Variants in GABRB3 observed in about 807,000 individuals in gnomAD.
GABRB3 encodes gamma-aminobutyric acid receptor subunit beta-3.
Under a neutral mutation model 52.1 loss-of-function variants are expected in GABRB3, and 14 were observed. The observed-to-expected ratio is 0.27, with a 90% CI of 0.18 to 0.42. GABRB3 has a LOEUF of 0.42. Among genes scored for constraint, GABRB3 ranks in the 10% least tolerant of loss-of-function variants. The probability of loss-of-function intolerance (pLI) is 1.00; values close to 1 mark genes in which losing one functional copy is unlikely to be tolerated. For synonymous variants in GABRB3, 260 were observed against 232.3 expected, an observed-to-expected ratio of 1.12 and a Z score of -1.08; for missense variants, 307 against 609.1, an observed-to-expected ratio of 0.50 and a Z score of 5.22.
Position 26,621,245 on chromosome 15 carries a change from T to C in GABRB3, c.461+69A>G. On this transcript the variant is annotated intron_variant, in intron 4 of 8. Coordinates refer to ENST00000311550, the MANE Select transcript of GABRB3 (RefSeq NM_000814.6). The surrounding 1 kb of genome is among the most constrained non-coding windows in gnomAD (Gnocchi z 4.1). ...GTCATTGCCTCACTTACAATAATCA[T>C]CTCAAGTGAGATATTCAACACCCAT... The C allele has an allele frequency of 1.7e-6, 2 of 1,174,820 alleles. No homozygotes were observed. The highest frequency in any genetic ancestry group is 1.3e-6 in the Non-Finnish European group (1 of 780,796). The allele number at this position is 1,174,820 out of a possible 1,614,324, so 72.8% of individuals were successfully genotyped here.
intron 3 of GABRB3, among the ~76,000 whole-genome samples, chr15:26,645,228 G>A (rs1765261359): frequency 6.6e-6 from 1 of 152,164 alleles, no homozygotes; most frequent in South Asian, 2.1e-4. Flanking sequence ...GCGACGGAGT[G>A]AGACCATGTC....
chr15:26,717,889 C>T (rs1480338004), intron 3 of GABRB3, among the ~76,000 whole-genome samples: 2 of 152,182 alleles, frequency 1.3e-5, no homozygotes, highest in East Asian at 1.9e-4. Flanking sequence ...GTAGAGATCC[C>T]TTGATCCTTG....
chr15:26,667,285 T>C (rs904011800), intron 3 of GABRB3, among the ~76,000 whole-genome samples: 4 of 152,144 alleles, frequency 2.6e-5, no homozygotes, highest in African/African-American at 9.7e-5. Context: ...TCCCAGGACT[T>C]GTGGGGACCA....
At position 26,642,546 on chromosome 15, in the gene GABRB3, A is replaced by T. The variant is rs1177612793; in HGVS notation, c.241-21012T>A. 9.7e-6 allele frequency: 12 copies of T among 1,241,878 alleles called. No individual in the cohort carries two copies. In the East Asian group the frequency reaches 4.5e-4, roughly 47 times the overall value. 76.9% of individuals were successfully genotyped at this position (1,241,878 alleles called of 1,614,324 possible). The stretch of plus-strand genomic sequence containing the variant: ...TGCATAGCCTGCAAAGAAATGAGAA[A>T]CATGAAGGACACTTTGAATTACTGT... On this transcript the variant is annotated intron_variant, in intron 3 of 8. Transcript: ENST00000311550.
At chr15:26,716,863 A>T (rs1448485409) in intron 3 of GABRB3, 1 of 698,614 alleles carries the variant, frequency 1.4e-6, no homozygotes, top group Non-Finnish European at 1.9e-6. Context: ...AGCTCTGAGG[A>T]CCTCCACCCA....
chr15:26,721,302 A>C (rs775204320), intron 3 of GABRB3, among the ~76,000 whole-genome samples: 1 of 152,160 alleles, frequency 6.6e-6, no homozygotes, highest in Non-Finnish European at 1.5e-5. Flanking sequence ...GCCCTTTGGA[A>C]GGGAAACTTG....
rs995919888 is a variant in GABRB3 at position 26,701,533 on chromosome 15, C to T, written c.240+70869G>A. Among the ~76,000 whole-genome samples, 7 of 152,076 alleles carry T rather than the reference C, an allele frequency of 4.6e-5. No individual in the cohort carries two copies. The South Asian group carries it at 6.2e-4, about 13-fold the overall frequency. On this transcript the variant is annotated intron_variant, in intron 3 of 8. Coordinates refer to ENST00000311550, the MANE Select transcript of GABRB3 (RefSeq NM_000814.6). ...AAATAGAGATGAATATGACAAAAGA[C>T]GTGAATGACCTATACAATGGAAACC...
intron 3 of GABRB3, among the ~76,000 whole-genome samples, chr15:26,743,080 C>T (rs1394026056): frequency 1.3e-5 from 2 of 152,134 alleles, no homozygotes; most frequent in Admixed American, 1.3e-4. Flanking sequence ...CAGGCACGCA[C>T]CAACACGCCA....
intron 4 of GABRB3, among the ~76,000 whole-genome samples, chr15:26,586,462 G>T (rs1890992538): frequency 7.3e-6 from 1 of 136,384 alleles, no homozygotes; most frequent in Admixed American, 7.6e-5. Context: ...ATTGTTCGGG[G>T]ACACCATGTG....
chr15:26,562,558 G>A (rs1890030169), intron 7 of GABRB3, among the ~76,000 whole-genome samples: 2 of 152,314 alleles, frequency 1.3e-5, no homozygotes, highest in South Asian at 4.2e-4. Context: ...CGGAGCCCAG[G>A]CCATTCTGCA....
At chr15:26,662,061 C>T (rs111500171) in intron 3 of GABRB3, among the ~76,000 whole-genome samples, 2,407 of 152,210 alleles carry the variant, frequency 0.016, 59 homozygotes, top group African/African-American at 0.052. Context: ...TCCTCAGATG[C>T]CATCTTTAAT....
intron 3 of GABRB3, among the ~76,000 whole-genome samples, chr15:26,729,616 G>A (rs1057334297): frequency 2.0e-5 from 3 of 152,100 alleles, no homozygotes; most frequent in Non-Finnish European, 4.4e-5. Context: ...TGGAGGGTGG[G>A]GAACAAAATC....
At chr15:26,720,159 GAAC>G (rs1026640187) in intron 3 of GABRB3, among the ~76,000 whole-genome samples, 1 of 149,312 alleles carries the variant, frequency 6.7e-6, no homozygotes, top group Non-Finnish European at 1.5e-5. Flanking sequence ...GCCCGCCAGA[GAAC>G]AACCCCCCTT....
At chr15:26,593,532 G>A (rs1026660622) in intron 4 of GABRB3, among the ~76,000 whole-genome samples, 4 of 152,012 alleles carry the variant, frequency 2.6e-5, no homozygotes, top group Admixed American at 2.6e-4. Context: ...CCTATTCTAT[G>A]GGTCACCACA....
At chr15:26,747,362 G>A (rs959734047) in intron 3 of GABRB3, among the ~76,000 whole-genome samples, 4 of 152,164 alleles carry the variant, frequency 2.6e-5, no homozygotes, top group East Asian at 1.9e-4. Context: ...TCATGAAAAC[G>A]GGAAGTTTCT....
intron 4 of GABRB3, among the ~76,000 whole-genome samples, chr15:26,586,157 C>A (rs1195506157): frequency 1.3e-5 from 2 of 151,936 alleles, no homozygotes; most frequent in Admixed American, 6.6e-5. Context: ...TGCCACCACG[C>A]CCAGCTAATT....
At chr15:26,680,320 C>T (rs1451288819) in intron 3 of GABRB3, among the ~76,000 whole-genome samples, 1 of 152,218 alleles carries the variant, frequency 6.6e-6, no homozygotes, top group African/African-American at 2.4e-5. Context: ...CCTATTGGTT[C>T]TCTTTCTCTG....
chr15:26,563,393 CATG>C, intron 7 of GABRB3, among the ~76,000 whole-genome samples: 1 of 151,804 alleles, frequency 6.6e-6, no homozygotes, highest in East Asian at 1.9e-4. Flanking sequence ...CCACATGCCA[CATG>C]AGTTCTTAGC....
At chr15:26,594,293 C>G (rs1385276841) in intron 4 of GABRB3, among the ~76,000 whole-genome samples, 1 of 151,772 alleles carries the variant, frequency 6.6e-6, no homozygotes, top group Non-Finnish European at 1.5e-5. Flanking sequence ...TCCCCTGAAA[C>G]TTGGGCATTT....
Sources: gnomAD v4.1 joint callset for allele counts (sites outside exome capture counted in the v4.1 genomes callset) on GRCh38, gnomAD v4.1.1 for gene constraint, Gnocchi (gnomAD v3.1) non-coding constraint, MANE v1.5 for transcripts, NCBI Gene and HGNC (gene_info 2026-07-23, HGNC 2026-07-21) for gene names.